TRHDE: variants seen among roughly 807,000 people sequenced by gnomAD.
The protein encoded by TRHDE is thyrotropin-releasing hormone-degrading ectoenzyme.
A neutral mutation model predicts 125.7 loss-of-function variants in TRHDE; 72 were observed. The observed-to-expected ratio is 0.57, with a 90% CI of 0.47 to 0.70. The LOEUF is 0.70. Among genes scored for constraint, TRHDE ranks in the 30% least tolerant of loss-of-function variants. The pLI is 0.00. For missense variants in TRHDE, 1,110 were observed against 1,327.1 expected (o/e 0.84, Z 2.54); for synonymous variants, 509 against 509.1 (o/e 1.00, Z 0.00).
At position 72,541,367 on chromosome 12, in the gene TRHDE, T is replaced by C. The variant is rs372315509; in HGVS notation, c.1723-924T>C. On this transcript the variant is annotated intron_variant, in intron 6 of 18. Coordinates refer to ENST00000261180, the MANE Select transcript of TRHDE (RefSeq NM_013381.3). ...CATACTTAATTGTAATTCCTTGGAATGTTTCATATTGATTACGTACCTACC... is the reference window on the plus strand; with the variant it reads ...CATACTTAATTGTAATTCCTTGGAACGTTTCATATTGATTACGTACCTACC... Among the ~76,000 whole-genome samples, 18 of 151,622 alleles carry C rather than the reference T, an allele frequency of 1.2e-4. No individual in the cohort carries two copies. In the South Asian group the frequency reaches 1.9e-3, roughly 16 times the overall value.
intron 2 of TRHDE, among the ~76,000 whole-genome samples, chr12:72,154,066 G>A (rs1876440260): frequency 6.6e-6 from 1 of 152,184 alleles, no homozygotes; most frequent in South Asian, 2.1e-4. Flanking sequence ...CTTGCTTTAT[G>A]AATCTGGGTG....
At chr12:72,437,005 T>C (rs1011524659) in intron 3 of TRHDE, among the ~76,000 whole-genome samples, 9 of 151,880 alleles carry the variant, frequency 5.9e-5, no homozygotes, top group Non-Finnish European at 1.3e-4. Flanking sequence ...CTATTCAAGC[T>C]AAATACATAT....
intron 3 of TRHDE, among the ~76,000 whole-genome samples, chr12:72,396,091 C>G (rs576827041): frequency 2.6e-5 from 4 of 152,226 alleles, no homozygotes; most frequent in South Asian, 4.2e-4. Context: ...CCTCTGGATG[C>G]TTTTAAAACT....
intron 15 of TRHDE, among the ~76,000 whole-genome samples, chr12:72,623,398 T>A (rs1319975084): frequency 6.6e-6 from 1 of 151,974 alleles, no homozygotes; most frequent in Non-Finnish European, 1.5e-5. Context: ...ACTCACACCA[T>A]TGCATCACCA....
rs1565701462 is a variant in TRHDE at position 72,331,359 on chromosome 12, T to TACCTAA, written c.1188+44406_1188+44407insCCTAAA. 2.0e-3 allele frequency among the ~76,000 whole-genome samples: 259 copies of TACCTAA among 131,214 alleles called. 10 individuals carry two copies. Among genetic ancestry groups the TACCTAA allele is most frequent in the South Asian group, 2.8e-3 (11 of 3,974 alleles). 86.1% of individuals were successfully genotyped at this position (131,214 alleles called of 152,430 possible). A position where few individuals can be genotyped will look rare whatever the true frequency, so the allele number is the denominator to read the frequency against. On this transcript the variant is annotated intron_variant, in intron 2 of 18. Coordinates refer to ENST00000261180, the MANE Select transcript of TRHDE (RefSeq NM_013381.3). Reference sequence around the variant, plus strand: ...GACCTGCCCCTGTTTTCCAAGAAAATAATGGAAAAAGCTACTGAAGATCAT... The same window carrying TACCTAA: ...GACCTGCCCCTGTTTTCCAAGAAAATACCTAAAATGGAAAAAGCTACTGAAGATCAT...
At chr12:72,552,758 T>G (rs767581038) in intron 7 of TRHDE, among the ~76,000 whole-genome samples, 6 of 152,110 alleles carry the variant, frequency 3.9e-5, no homozygotes, top group Non-Finnish European at 8.8e-5. Flanking sequence ...TAGAATAAAA[T>G]TAAACAAATT....
intron 3 of TRHDE, among the ~76,000 whole-genome samples, chr12:72,404,789 C>T (rs1255382797): frequency 6.6e-6 from 1 of 152,174 alleles, no homozygotes; most frequent in Non-Finnish European, 1.5e-5. Context: ...AGATCACAGC[C>T]AAACCATATC....
intron 3 of TRHDE, among the ~76,000 whole-genome samples, chr12:72,453,790 G>T (rs1486078393): frequency 6.6e-6 from 1 of 152,180 alleles, no homozygotes; most frequent in Non-Finnish European, 1.5e-5. Flanking sequence ...TCCATTTCCA[G>T]CTGTGGCTCA....
chr12:72,558,232 G>T (rs1313745425), intron 7 of TRHDE, among the ~76,000 whole-genome samples: 1 of 152,144 alleles, frequency 6.6e-6, no homozygotes, highest in East Asian at 1.9e-4. Flanking sequence ...AACATTGTGT[G>T]ACAATATAAA....
At chr12:72,207,871 A>G (rs1423061249) in intron 2 of TRHDE, among the ~76,000 whole-genome samples, 1 of 152,080 alleles carries the variant, frequency 6.6e-6, no homozygotes, top group South Asian at 2.1e-4. Context: ...GTTTATTTCT[A>G]GGCATCTCTG....
chr12:72,412,752 C>A (rs1234859968), intron 3 of TRHDE, among the ~76,000 whole-genome samples: 1 of 152,006 alleles, frequency 6.6e-6, no homozygotes, highest in African/African-American at 2.4e-5. Context: ...GTATAAGTCC[C>A]ATAAAGATAG....
chr12:72,388,028 A>AC (rs907619513), intron 3 of TRHDE, among the ~76,000 whole-genome samples: 3 of 147,160 alleles, frequency 2.0e-5, no homozygotes, highest in Admixed American at 6.8e-5. Flanking sequence ...CCTACCCTTT[A>AC]CCCCCCCGGA....
chr12:72,506,695 T>C (rs182878919), intron 6 of TRHDE, among the ~76,000 whole-genome samples: 1 of 152,188 alleles, frequency 6.6e-6, no homozygotes, highest in African/African-American at 2.4e-5. Context: ...TCAAGGCAAG[T>C]TATGATATGG....
At chr12:72,142,171 T>C (rs2139314994) in intron 2 of TRHDE, among the ~76,000 whole-genome samples, 1 of 151,976 alleles carries the variant, frequency 6.6e-6, no homozygotes, top group East Asian at 1.9e-4. Flanking sequence ...ACACTGCATA[T>C]GTGGGAAGCC....
At chr12:72,514,880 A>T (rs1878767581) in intron 6 of TRHDE, among the ~76,000 whole-genome samples, 1 of 144,768 alleles carries the variant, frequency 6.9e-6, no homozygotes, top group Non-Finnish European at 1.5e-5. Flanking sequence ...GAGTGAGAAT[A>T]TGTGGTGTTT....
At chr12:72,303,917 CACAGTA>C (rs1868298240) in intron 2 of TRHDE, among the ~76,000 whole-genome samples, 1 of 152,078 alleles carries the variant, frequency 6.6e-6, no homozygotes, top group African/African-American at 2.4e-5. Context: ...GTTATTAAAA[CACAGTA>C]ACAGTATCAG....
intron 5 of TRHDE, among the ~76,000 whole-genome samples, chr12:72,474,358 C>G (rs1876791205): frequency 6.6e-6 from 1 of 152,046 alleles, no homozygotes; most frequent in South Asian, 2.1e-4. Context: ...ACATTATGCT[C>G]TATAGTAGAT....
chr12:72,126,783 G>T (rs1875722975), intron 2 of TRHDE, among the ~76,000 whole-genome samples: 1 of 152,154 alleles, frequency 6.6e-6, no homozygotes. Context: ...CTGGACATTG[G>T]CTTTGGGAAA....
At chr12:72,384,741 C>A (rs929816419) in intron 3 of TRHDE, among the ~76,000 whole-genome samples, 2 of 151,738 alleles carry the variant, frequency 1.3e-5, no homozygotes, top group African/African-American at 4.8e-5. Context: ...CAAATAAGAC[C>A]CCAGCTTAAA....
Sources: allele counts gnomAD v4.1 joint callset (sites outside exome capture counted in the v4.1 genomes callset), GRCh38; gene constraint gnomAD v4.1.1; transcripts MANE v1.5; gene names NCBI Gene and HGNC (gene_info 2026-07-23, HGNC 2026-07-21).